The following SPNS2 variants were observed in gnomAD, a reference collection of about 807,000 sequenced individuals.
SPNS2 encodes sphingosine-1-phosphate transporter SPNS2.
In SPNS2, 37 loss-of-function variants were observed where a neutral mutation model predicts 57.6. The ratio of observed to expected loss-of-function variants is 0.64; its 90% CI spans 0.49 to 0.85. The LOEUF (loss-of-function observed/expected upper bound fraction) is 0.85. SPNS2 is among the 40% of genes least tolerant of loss of function. SPNS2 has a pLI of 0.00. For missense variants in SPNS2, 831 were observed against 779.1 expected (o/e 1.07, Z -0.79); for synonymous variants, 440 against 346.9 (o/e 1.27, Z -2.98).
At chr17:4,532,100 T>TGTCCATCCATCCACCATCCGTCC (rs1334558185) in intron 5 of SPNS2, among the ~76,000 whole-genome samples, 9 of 152,306 alleles carry the variant, frequency 5.9e-5, no homozygotes, top group African/African-American at 2.2e-4. Flanking sequence ...TCCATCCGTC[T>TGTCCATCCATCCACCATCCGTCC]GTCCATCCAT....
At position 4,499,473 on chromosome 17, in the gene SPNS2, C is replaced by T; in HGVS notation, c.370+56C>T. 1 of 1,159,090 alleles carries T rather than the reference C, an allele frequency of 8.6e-7. No individual in the cohort carries two copies. 71.8% of individuals were successfully genotyped at this position (1,159,090 alleles called of 1,614,324 possible). A position where few individuals can be genotyped will look rare whatever the true frequency, so the allele number is the denominator to read the frequency against. Reference sequence around the variant, plus strand: ...CAAGACCCCACCCCATCCCACCACCCGCCTCGAGGGAGGTACCCCAGAGAG... The same window carrying T: ...CAAGACCCCACCCCATCCCACCACCTGCCTCGAGGGAGGTACCCCAGAGAG... On this transcript the variant is annotated intron_variant, in intron 1 of 12. Coordinates refer to ENST00000329078, the MANE Select transcript of SPNS2 (RefSeq NM_001124758.3). The surrounding 1 kb of genome is among the most constrained non-coding windows in gnomAD (Gnocchi z 5.2).
Position 4,510,613 on chromosome 17 carries a change from G to A in SPNS2, c.371-2634G>A, listed in dbSNP as rs1318495996. On this transcript the variant is annotated intron_variant, in intron 1 of 12. Coordinates refer to ENST00000329078, the MANE Select transcript of SPNS2 (RefSeq NM_001124758.3). The surrounding 1 kb of genome is among the most constrained non-coding windows in gnomAD (Gnocchi z 4.4). ...GGCCTCCCTCCCAGAAATGGAACCT[G>A]CAGTTACTGCAGACCCGTGTCCCTC... 6.6e-6 allele frequency among the ~76,000 whole-genome samples: 1 copy of A among 152,180 alleles called. No individual in the cohort carries two copies. Among genetic ancestry groups the A allele is most frequent in the Admixed American group, 6.6e-5 (1 of 15,266 alleles).
At chr17:4,525,638 TA>T (rs762663577) in intron 3 of SPNS2, among the ~76,000 whole-genome samples, 44 of 152,298 alleles carry the variant, frequency 2.9e-4, no homozygotes, top group Non-Finnish European at 4.7e-4. Context: ...GAGAAGCAAA[TA>T]TCAATTCAAC....
chr17:4,515,293 C>T (rs1904956930), intron 2 of SPNS2, among the ~76,000 whole-genome samples: 1 of 152,192 alleles, frequency 6.6e-6, no homozygotes, highest in Non-Finnish European at 1.5e-5. Context: ...CTCTGTTTGT[C>T]AGCTGCACTT....
At chr17:4,530,887 CAGAG>C (rs1240214112) in intron 4 of SPNS2, 104 bp downstream of exon 4, 2 of 1,498,642 alleles carry the variant, frequency 1.3e-6, no homozygotes, top group East Asian at 4.7e-5. Context: ...CAGGCGTCCT[CAGAG>C]AGCTAAACAT....
At chr17:4,535,149 G>A (rs541460211) in intron 9 of SPNS2, among the ~76,000 whole-genome samples, 71 of 152,232 alleles carry the variant, frequency 4.7e-4, no homozygotes, top group African/African-American at 1.6e-3. Flanking sequence ...CCACAGAGCT[G>A]GCTGTGCCTG....
At chr17:4,532,794 G>A (rs1905553323) in intron 6 of SPNS2, 110 bp downstream of exon 6, 2 of 1,469,850 alleles carry the variant, frequency 1.4e-6, no homozygotes, top group Non-Finnish European at 1.8e-6. Context: ...CCCCACCTCT[G>A]CTGTCTCAGT....
In SPNS2 at chr17:4,538,683, C is replaced by T; in HGVS notation, c.*1235C>T. Reference sequence around the variant, plus strand: ...CAATGGGGGACCCCCCAAGAGCCAGCTTGGACAATGCTCTTCTTGCCCCTT... The same window carrying T: ...CAATGGGGGACCCCCCAAGAGCCAGTTTGGACAATGCTCTTCTTGCCCCTT... On this transcript the variant is annotated 3_prime_UTR_variant, in exon 13 of 13. Transcript: ENST00000329078. 2 of 568,242 alleles carry T rather than the reference C, an allele frequency of 3.5e-6. No individual in the cohort carries two copies. Among genetic ancestry groups the T allele is most frequent in the African/African-American group, 1.9e-5 (1 of 52,954 alleles). The allele number at this position is 568,242 out of a possible 1,614,324, so 35.2% of individuals were successfully genotyped here. A position where few individuals can be genotyped will look rare whatever the true frequency, so the allele number is the denominator to read the frequency against.
intron 1 of SPNS2, among the ~76,000 whole-genome samples, chr17:4,501,884 T>C (rs893992064): frequency 2.0e-5 from 3 of 152,184 alleles, no homozygotes; most frequent in Non-Finnish European, 4.4e-5. Flanking sequence ...CCCACTCTCC[T>C]TCTTTAACTC....
At position 4,533,293 on chromosome 17, in the gene SPNS2, CG is replaced by C; in HGVS notation, c.1144del (p.Ala382GlnfsTer9). 6.2e-7 allele frequency: 1 copy of C among 1,610,634 alleles called. No individual in the cohort carries two copies. On this transcript the variant is annotated frameshift_variant, in exon 8 of 13. Coordinates refer to ENST00000329078, the MANE Select transcript of SPNS2 (RefSeq NM_001124758.3). LOFTEE classifies it high-confidence loss of function. ...TCFTGFLGVV[T>X]GAGATRWCRL... The stretch of plus-strand genomic sequence containing the variant: ...TTTACGGGATTTCTGGGCGTGGTCA[CG>C]GGGGCAGGAGCCACGCGCTGGTGCC...
At chr17:4,527,270 A>G (rs1178890977) in intron 3 of SPNS2, among the ~76,000 whole-genome samples, 1 of 152,236 alleles carries the variant, frequency 6.6e-6, no homozygotes, top group African/African-American at 2.4e-5. Context: ...TAACAGTGAA[A>G]GGGGATTTGC....
At chr17:4,513,381 G>T in intron 2 of SPNS2, 69 bp downstream of exon 2, 1 of 1,512,038 alleles carries the variant, frequency 6.6e-7, no homozygotes. Flanking sequence ...CCTGTTGGTC[G>T]TCATCTGCCA....
intron 1 of SPNS2, among the ~76,000 whole-genome samples, chr17:4,505,953 G>A (rs2144307552): frequency 6.6e-6 from 1 of 152,348 alleles, no homozygotes; most frequent in Non-Finnish European, 1.5e-5. Flanking sequence ...AAGAGGCAAA[G>A]AGCAGGATCA....
chr17:4,509,246 A>T (rs1904767631), intron 1 of SPNS2, among the ~76,000 whole-genome samples: 1 of 152,024 alleles, frequency 6.6e-6, no homozygotes, highest in Admixed American at 6.5e-5. Context: ...GGAGGAAAGG[A>T]GGTGAGAATA....
chr17:4,527,369 A>T lies in SPNS2; in HGVS notation c.573+2176A>T, dbSNP rs371518545. ...AGCCAGAGTCCTCATTTCTGTGGGG[A>T]TTTAGTGTAGGATGAAAGTTGCATC... On this transcript the variant is annotated intron_variant, in intron 3 of 12. Transcript: ENST00000329078. Among the ~76,000 whole-genome samples, 3 of 152,342 alleles carry T rather than the reference A, an allele frequency of 2.0e-5. No individual in the cohort carries two copies. In the East Asian group the frequency reaches 5.8e-4, roughly 29 times the overall value.
At position 4,537,603 on chromosome 17, in the gene SPNS2, G is replaced by T. The variant is rs916575724; in HGVS notation, c.*155G>T. 8 of 456,576 alleles carry T rather than the reference G, an allele frequency of 1.8e-5. No homozygotes were observed. Among genetic ancestry groups the T allele is most frequent in the African/African-American group, 1.2e-4 (6 of 50,074 alleles). The allele number at this position is 456,576 out of a possible 1,614,324, so 28.3% of individuals were successfully genotyped here. A position where few individuals can be genotyped will look rare whatever the true frequency, so the allele number is the denominator to read the frequency against. ...GGCCCAGGCCTGCTGAGTGGCCCTG[G>T]CATCAAGAAGAGGCTGTGTCCTCAG... On this transcript the variant is annotated 3_prime_UTR_variant, in exon 13 of 13. Transcript: ENST00000329078.
At chr17:4,530,401 A>G (rs1257858494) in intron 3 of SPNS2, among the ~76,000 whole-genome samples, 1 of 152,174 alleles carries the variant, frequency 6.6e-6, no homozygotes, top group Non-Finnish European at 1.5e-5. Flanking sequence ...GTCCCGTCCC[A>G]TACCAGCACT....
At chr17:4,526,743 A>G (rs1481399607) in intron 3 of SPNS2, among the ~76,000 whole-genome samples, 1 of 152,174 alleles carries the variant, frequency 6.6e-6, no homozygotes, top group Non-Finnish European at 1.5e-5. Context: ...AGCTCTGGAA[A>G]AGTTTGAAGA....
At position 4,536,403 on chromosome 17, in the gene SPNS2, C is replaced by T. The variant is rs778350236; in HGVS notation, c.1584C>T (p.Ser528=). 17 of 1,603,834 alleles carry T rather than the reference C, an allele frequency of 1.1e-5. No individual in the cohort carries two copies. The highest frequency in any genetic ancestry group is 1.3e-5 in the African/African-American group (1 of 74,740). ...TCGCCACTGCGCTCTTCTTCGTCAG[C>T]GACCGCGCCAGGGCTGAGCAGCAGT... ...FFLATALFFV[S]DRARAEQQVN... is the part of the protein sequence containing the mutation. Residue 528 remains serine, a synonymous_variant, in exon 11 of 13, where the codon AGC becomes AGT. Transcript: ENST00000329078.
Sources: allele counts gnomAD v4.1 joint callset (sites outside exome capture counted in the v4.1 genomes callset), GRCh38; gene constraint gnomAD v4.1.1; non-coding constraint Gnocchi (gnomAD v3.1); transcripts MANE v1.5; gene names NCBI Gene and HGNC (gene_info 2026-07-23, HGNC 2026-07-21).